EPN2: variants seen among roughly 807,000 people sequenced by gnomAD.
The protein encoded by EPN2 is epsin-2.
EPN2 carries 34 observed loss-of-function variants against 61.7 expected under a neutral mutation model. The ratio of observed to expected loss-of-function variants is 0.55; its 90% CI spans 0.42 to 0.73. EPN2 has a LOEUF of 0.73. EPN2 is among the 30% of genes least tolerant of loss of function. EPN2 has a pLI of 0.00. For missense variants in EPN2, 714 were observed against 839.2 expected (o/e 0.85, Z 1.84); for synonymous variants, 349 against 353.6 (o/e 0.99, Z 0.15).
chr17:19,258,851 A>G (rs1365152107), intron 1 of EPN2, among the ~76,000 whole-genome samples: 2 of 152,226 alleles, frequency 1.3e-5, no homozygotes, highest in Admixed American at 6.5e-5. Flanking sequence ...CCTTCCCACA[A>G]GAGTGCAGCC....
At chr17:19,254,990 G>A (rs2045058479) in intron 1 of EPN2, among the ~76,000 whole-genome samples, 1 of 152,172 alleles carries the variant, frequency 6.6e-6, no homozygotes, top group Non-Finnish European at 1.5e-5. Flanking sequence ...GCAGGGCATT[G>A]GTTTCAGCTA....
chr17:19,301,223 T>C (rs1192249712), intron 4 of EPN2, among the ~76,000 whole-genome samples: 2 of 152,096 alleles, frequency 1.3e-5, no homozygotes, highest in Admixed American at 6.5e-5. Context: ...TTCTATCTCT[T>C]CTAAGGACAC....
rs543624414 is a variant in EPN2, at chr17:19,284,607, A to G, written c.595+893A>G. ...TGCTAAAACAAAAGTGCAGATCCCT[A>G]GTAACACTATGTCAGCATAGCAGAA... On this transcript the variant is annotated intron_variant, in intron 3 of 10. Transcript: ENST00000314728. Among the ~76,000 whole-genome samples, 97 of 152,348 alleles carry G rather than the reference A, an allele frequency of 6.4e-4. No homozygotes were observed. The South Asian group carries it at 0.02, about 31-fold the overall frequency.
rs141378207 is a variant in EPN2 at position 19,250,116 on chromosome 17, C to T, written c.-294+12585C>T. 4.8e-4 allele frequency among the ~76,000 whole-genome samples: 72 copies of T among 149,968 alleles called. 1 individual carries two copies. In the East Asian group the frequency reaches 5.7e-3, roughly 12 times the overall value. On this transcript the variant is annotated intron_variant, in intron 1 of 10. Coordinates refer to ENST00000314728, the MANE Select transcript of EPN2 (RefSeq NM_014964.5). ...ACTGAATTTTTTTTTTTTTTTCAGA[C>T]GGAGCCTCTCTCTGTCTCCTAGGCT... is the stretch of plus-strand genomic sequence containing the variant.
In EPN2 at chr17:19,285,872, A is replaced by C. The variant is rs1470184879; in HGVS notation, c.766+82A>C. ...TGTGCTTGCCATGCCAGTACAGCCA[A>C]CTCTCTCCCTGTCTCCTCTGGGCCT... On this transcript the variant is annotated intron_variant, in intron 4 of 10. Coordinates refer to ENST00000314728, the MANE Select transcript of EPN2 (RefSeq NM_014964.5). This position sits in a 1 kb window ranked among gnomAD's most constrained non-coding sequence, Gnocchi z 4.5. 2 of 1,428,878 alleles carry C rather than the reference A, an allele frequency of 1.4e-6. No individual in the cohort carries two copies. The highest frequency in any genetic ancestry group is 2.8e-5 in the East Asian group (1 of 36,188). The allele number at this position is 1,428,878 out of a possible 1,614,324, so 88.5% of individuals were successfully genotyped here.
intron 7 of EPN2, among the ~76,000 whole-genome samples, chr17:19,323,074 GC>G (rs1464682315): frequency 1.3e-5 from 2 of 152,188 alleles, no homozygotes; most frequent in Non-Finnish European, 2.9e-5. Context: ...GCTCAGCCAG[GC>G]TGTCACAAGC....
intron 7 of EPN2, among the ~76,000 whole-genome samples, chr17:19,326,700 A>AAAAAG (rs1313967620): frequency 2.6e-5 from 4 of 151,372 alleles, no homozygotes; most frequent in Admixed American, 2.0e-4. Context: ...AAAAAAAAAA[A>AAAAAG]AAAAAAGTGC....
At chr17:19,256,954 T>TCCCA (rs1044441876) in intron 1 of EPN2, among the ~76,000 whole-genome samples, 1 of 152,066 alleles carries the variant, frequency 6.6e-6, no homozygotes, top group African/African-American at 2.4e-5. Context: ...AGAAAAAAAT[T>TCCCA]CCCACTGTCC....
intron 7 of EPN2, among the ~76,000 whole-genome samples, chr17:19,319,243 TAAAGA>T (rs901638466): frequency 4.6e-5 from 7 of 152,164 alleles, no homozygotes. Context: ...TGTTAACTCT[TAAAGA>T]TATAAACCTA....
In EPN2 at chr17:19,329,611, T is replaced by C; in HGVS notation, c.1375T>C (p.Ser459Pro). ...NLNGTIKDDF[S>P]EFDNLRTSKK... ...GAATGGTACAATTAAAGATGACTTT[T>C]CTGAATTTGACAACCTTCGGACTTC... Residue 459 changes from serine (S) to proline (P), a missense_variant, in exon 9 of 11, where the codon TCT becomes CCT. Coordinates refer to ENST00000314728, the MANE Select transcript of EPN2 (RefSeq NM_014964.5). The C allele has an allele frequency of 6.2e-7, 1 of 1,613,542 alleles. No individual in the cohort carries two copies. Among genetic ancestry groups the C allele is most frequent in the Non-Finnish European group, 8.5e-7 (1 of 1,179,472 alleles).
At chr17:19,272,268 T>C (rs1259001368) in intron 1 of EPN2, among the ~76,000 whole-genome samples, 1 of 152,178 alleles carries the variant, frequency 6.6e-6, no homozygotes, top group Admixed American at 6.5e-5. Flanking sequence ...GCGGCCATCC[T>C]CAGAGGAGGG....
chr17:19,308,682 T>C, intron 4 of EPN2: 1 of 985,370 alleles, frequency 1.0e-6, no homozygotes, highest in Non-Finnish European at 1.2e-6. Context: ...TCTAAAGCAG[T>C]AGCTCCAAAT....
At chr17:19,263,253 G>T (rs2045162509) in intron 1 of EPN2, among the ~76,000 whole-genome samples, 2 of 152,194 alleles carry the variant, frequency 1.3e-5, no homozygotes, top group Non-Finnish European at 2.9e-5. Flanking sequence ...TCTGTCATAG[G>T]CCTAGAAGTG....
At chr17:19,291,476 C>T (rs1434523539) in intron 4 of EPN2, among the ~76,000 whole-genome samples, 3 of 136,776 alleles carry the variant, frequency 2.2e-5, no homozygotes, top group African/African-American at 8.3e-5. Flanking sequence ...CTCGCTCTTT[C>T]GCCCAGGCTG....
chr17:19,294,201 T>C (rs183667477), intron 4 of EPN2, among the ~76,000 whole-genome samples: 2 of 151,276 alleles, frequency 1.3e-5, no homozygotes, highest in African/African-American at 4.9e-5. Context: ...GTGAATTGCT[T>C]GAGCTTAGGA....
In EPN2 at chr17:19,294,800, C is replaced by T. The variant is rs781658542; in HGVS notation, c.766+9010C>T. Among the ~76,000 whole-genome samples the T allele has an allele frequency of 4.6e-5, 7 of 152,158 alleles. No homozygotes were observed. In the East Asian group the frequency reaches 1.2e-3, roughly 25 times the overall value. ...ATCTCTGGGAGGGCCCCAGGTACTGCGGTGGCACTGACAGCATTGTACTGG... is the reference window on the plus strand; with the variant it reads ...ATCTCTGGGAGGGCCCCAGGTACTGTGGTGGCACTGACAGCATTGTACTGG... On this transcript the variant is annotated intron_variant, in intron 4 of 10. Transcript: ENST00000314728.
chr17:19,317,222 A>G (rs1212586596), intron 7 of EPN2, among the ~76,000 whole-genome samples: 1 of 152,216 alleles, frequency 6.6e-6, no homozygotes, highest in Non-Finnish European at 1.5e-5. Flanking sequence ...AACTTGGCCA[A>G]GTGGCCTTGG....
chr17:19,242,757 T>C lies in EPN2; in HGVS notation c.-294+5226T>C, dbSNP rs558956955. ...TCTCTTCATGGTAACCCTGCTGATA[T>C]ATAGAACAGGGAAAAGTAGGCTCAT... is the stretch of plus-strand genomic sequence containing the variant. On this transcript the variant is annotated intron_variant, in intron 1 of 10. Coordinates refer to ENST00000314728, the MANE Select transcript of EPN2 (RefSeq NM_014964.5). Among the ~76,000 whole-genome samples the C allele has an allele frequency of 5.3e-5, 8 of 152,346 alleles. No homozygotes were observed. In the South Asian group the frequency reaches 1.5e-3, roughly 28 times the overall value.
chr17:19,318,877 G>A (rs1490779989), intron 7 of EPN2, among the ~76,000 whole-genome samples: 1 of 151,998 alleles, frequency 6.6e-6, no homozygotes, highest in Non-Finnish European at 1.5e-5. Flanking sequence ...TGCACATATT[G>A]CAGAGTTCAT....
Sources: allele counts gnomAD v4.1 joint callset (sites outside exome capture counted in the v4.1 genomes callset), GRCh38; gene constraint gnomAD v4.1.1; non-coding constraint Gnocchi (gnomAD v3.1); transcripts MANE v1.5; gene names NCBI Gene and HGNC (gene_info 2026-07-23, HGNC 2026-07-21).